The following LRRK1 variants were observed in gnomAD, a reference collection of about 807,000 sequenced individuals.
The protein encoded by LRRK1 is leucine-rich repeat serine/threonine-protein kinase 1.
LRRK1 carries 113 observed loss-of-function variants against 209.1 expected under a neutral mutation model. That is an observed-to-expected ratio of 0.54 (90% confidence interval 0.46 to 0.63). The LOEUF is 0.63. LRRK1 is among the 30% of genes least tolerant of loss of function. LRRK1 has a pLI of 0.00. For synonymous variants in LRRK1, 1,144 were observed against 1,099.7 expected, an observed-to-expected ratio of 1.04 and a Z score of -0.80; for missense variants, 2,284 against 2,632.2, an observed-to-expected ratio of 0.87 and a Z score of 2.89.
At chr15:101,046,653 T>C (rs10902594) in intron 21 of LRRK1, among the ~76,000 whole-genome samples, 149,222 of 152,328 alleles carry the variant, frequency 0.98, 73,158 homozygotes, top group East Asian at 1. Flanking sequence ...CCAGACCGAT[T>C]GAATCAGGGT....
At position 101,065,519 on chromosome 15, in the gene LRRK1, G is replaced by A; in HGVS notation, c.5082G>A (p.Lys1694=). 3 of 1,614,218 alleles carry A rather than the reference G, an allele frequency of 1.9e-6. No individual in the cohort carries two copies. The highest frequency in any genetic ancestry group is 2.5e-6 in the Non-Finnish European group (3 of 1,180,034). Residue 1694 remains lysine, a synonymous_variant, in exon 32 of 34, where the codon AAG becomes AAA. Transcript: ENST00000388948. The stretch of plus-strand genomic sequence containing the variant: ...CACGGCAGAACCCCTACCCAGTGAA[G>A]GCCATGGAGGTGGTCAACAGCGGCT... ...EDARQNPYPV[K]AMEVVNSGSE...
chr15:100,978,397 G>A (rs913584769), intron 3 of LRRK1, among the ~76,000 whole-genome samples: 3 of 152,166 alleles, frequency 2.0e-5, no homozygotes, highest in African/African-American at 7.2e-5. Context: ...TCAAGAAGTT[G>A]AAAACAAACA....
intron 6 of LRRK1, among the ~76,000 whole-genome samples, chr15:100,998,505 T>G (rs1022579214): frequency 2.6e-5 from 4 of 152,186 alleles, no homozygotes; most frequent in African/African-American, 9.7e-5. Flanking sequence ...TCTTCTTTAA[T>G]CAATTTCTCC....
At chr15:101,023,564 C>T (rs2033891460) in intron 15 of LRRK1, among the ~76,000 whole-genome samples, 1 of 152,138 alleles carries the variant, frequency 6.6e-6, no homozygotes, top group South Asian at 2.1e-4. Flanking sequence ...TTTCTGCCAC[C>T]CTGTGATTCC....
intron 6 of LRRK1, among the ~76,000 whole-genome samples, chr15:101,008,550 G>A (rs897713171): frequency 6.6e-6 from 1 of 152,074 alleles, no homozygotes; most frequent in African/African-American, 2.4e-5. Context: ...CTTGAGGGGC[G>A]GCACTGAGCC....
chr15:101,051,937 G>A lies in LRRK1; in HGVS notation c.3666G>A (p.Leu1222=), dbSNP rs762500130. Residue 1222 remains leucine, a synonymous_variant, in exon 24 of 34, where the codon CTG becomes CTA. Coordinates refer to ENST00000388948, the MANE Select transcript of LRRK1 (RefSeq NM_024652.6). The stretch of plus-strand genomic sequence containing the variant: ...CGCTGCAGGAGCTGGTCCCTGAACT[G>A]TTCATGACCGACTTCCCGGCCAGGT... ...PVPLQELVPE[L]FMTDFPARLF... The A allele has an allele frequency of 2.5e-6, 4 of 1,613,618 alleles. No individual in the cohort carries two copies. Among genetic ancestry groups the A allele is most frequent in the East Asian group, 2.2e-5 (1 of 44,866 alleles).
At position 101,008,887 on chromosome 15, in the gene LRRK1, C is replaced by G; in HGVS notation, c.813C>G (p.Asp271Glu). 6.2e-7 allele frequency: 1 copy of G among 1,614,264 alleles called. No individual in the cohort carries two copies. The highest frequency in any genetic ancestry group is 8.5e-7 in the Non-Finnish European group (1 of 1,180,048). ...SHLRLPWVDL[D>E]WLIDISCQIT... The stretch of plus-strand genomic sequence containing the variant: ...TCAGACTGCCCTGGGTAGACCTAGA[C>G]TGGCTCATAGACATCTCCTGCCAGA... The change falls in exon 7 of 34, where the codon GAC becomes GAG. Residue 271 changes from aspartate (D) to glutamate (E), a missense_variant. Around this residue, in one of 6 missense-constraint regions of LRRK1, gnomAD observed 494 missense variants for 522.1 expected, o/e 0.95. Transcript: ENST00000388948.
In LRRK1 at chr15:101,077,437, A is replaced by G. The variant is rs943806911; in HGVS notation, c.*8589A>G. 3.9e-5 allele frequency: 6 copies of G among 152,154 alleles called. No individual in the cohort carries two copies. Among genetic ancestry groups the G allele is most frequent in the African/African-American group, 1.4e-4 (6 of 41,432 alleles). 9.4% of individuals were successfully genotyped at this position (152,154 alleles called of 1,614,324 possible). A position where few individuals can be genotyped will look rare whatever the true frequency, so the allele number is the denominator to read the frequency against. On this transcript the variant is annotated 3_prime_UTR_variant, in exon 34 of 34. Coordinates refer to ENST00000388948, the MANE Select transcript of LRRK1 (RefSeq NM_024652.6). ...AAACCGCCACTCTGAACTCTTAAAT[A>G]CATAATCTTTGCTGGCAGGACTATG...
In LRRK1 at chr15:101,053,362, C is replaced by T. The variant is rs779381562; in HGVS notation, c.3996C>T (p.Phe1332=). The T allele has an allele frequency of 1.3e-5, 21 of 1,601,970 alleles. No individual in the cohort carries two copies. In the East Asian group the frequency reaches 1.3e-4, roughly 10 times the overall value. ...LIGISIHPLC[F]ALELAPLSSL... Reference sequence around the variant, plus strand: ...GCATCAGCATCCACCCGCTCTGCTTCGCCCTGGAGCTCGCGCCGCTCAGCA... The same window carrying T: ...GCATCAGCATCCACCCGCTCTGCTTTGCCCTGGAGCTCGCGCCGCTCAGCA... Residue 1332 remains phenylalanine (F), a synonymous_variant, in exon 26 of 34, where the codon TTC becomes TTT. Coordinates refer to ENST00000388948, the MANE Select transcript of LRRK1 (RefSeq NM_024652.6).
intron 20 of LRRK1, among the ~76,000 whole-genome samples, chr15:101,039,062 A>G (rs1045532306): frequency 6.6e-6 from 1 of 152,098 alleles, no homozygotes; most frequent in Non-Finnish European, 1.5e-5. Context: ...ACACCCTCCA[A>G]TTTTGTTCTT....
chr15:101,055,518 G>C (rs1388799883), intron 27 of LRRK1, among the ~76,000 whole-genome samples: 1 of 152,118 alleles, frequency 6.6e-6, no homozygotes, highest in East Asian at 1.9e-4. Flanking sequence ...GAGAGAAACA[G>C]GTCTGGATTT....
rs974829464 is a variant in LRRK1, at chr15:101,076,707, C to A, written c.*7859C>A. 7 of 152,242 alleles carry A rather than the reference C, an allele frequency of 4.6e-5. No homozygotes were observed. Among genetic ancestry groups the A allele is most frequent in the East Asian group, 1.9e-4 (1 of 5,210 alleles). The allele number at this position is 152,242 out of a possible 1,614,324, so 9.4% of individuals were successfully genotyped here. On this transcript the variant is annotated 3_prime_UTR_variant, in exon 34 of 34. Coordinates refer to ENST00000388948, the MANE Select transcript of LRRK1 (RefSeq NM_024652.6). Reference sequence around the variant, plus strand: ...TACTGCTCCTCAGGGATTATTCAGGCCCCCTCCCTTCCCTACACATCAAGC... The same window carrying A: ...TACTGCTCCTCAGGGATTATTCAGGACCCCTCCCTTCCCTACACATCAAGC...
intron 15 of LRRK1, among the ~76,000 whole-genome samples, chr15:101,023,605 C>G (rs1296867675): frequency 6.6e-6 from 1 of 152,238 alleles, no homozygotes; most frequent in East Asian, 1.9e-4. Flanking sequence ...GGCTGCTTCA[C>G]TGTGGAAAAC....
intron 20 of LRRK1, among the ~76,000 whole-genome samples, chr15:101,040,444 A>G (rs1303538139): frequency 6.6e-6 from 1 of 151,944 alleles, no homozygotes; most frequent in Non-Finnish European, 1.5e-5. Flanking sequence ...GTGTTTATCA[A>G]ATTTTTGGAA....
intron 2 of LRRK1, among the ~76,000 whole-genome samples, chr15:100,943,897 C>T (rs751685677): frequency 7.0e-4 from 106 of 152,078 alleles, no homozygotes; most frequent in Non-Finnish European, 9.0e-4. Context: ...AGGCTGGTCT[C>T]GAACTCCTGA....
chr15:100,939,803 C>T lies in LRRK1; in HGVS notation c.97+15074C>T, dbSNP rs574407680. The stretch of plus-strand genomic sequence containing the variant: ...TCGGGGTAAATAGTTGGGTTTTTTT[C>T]TCTTAGTTTTCTTATTCATTCTACT... On this transcript the variant is annotated intron_variant, in intron 2 of 33. Coordinates refer to ENST00000388948, the MANE Select transcript of LRRK1 (RefSeq NM_024652.6). Among the ~76,000 whole-genome samples the T allele has an allele frequency of 2.6e-5, 4 of 152,236 alleles. No homozygotes were observed. In the South Asian group the frequency reaches 8.3e-4, roughly 32 times the overall value.
rs376652152 is a variant in LRRK1, at chr15:101,006,174, C to T, written c.763-2663C>T. Among the ~76,000 whole-genome samples, 58 of 152,242 alleles carry T rather than the reference C, an allele frequency of 3.8e-4. 1 individual carries two copies. In the South Asian group the frequency reaches 0.011, roughly 28 times the overall value. The stretch of plus-strand genomic sequence containing the variant: ...CAGGAACACCTAATATCAGGTGCCC[C>T]GGGTGGGGTTTAGTGGGAACCACTC... On this transcript the variant is annotated intron_variant, in intron 6 of 33. Coordinates refer to ENST00000388948, the MANE Select transcript of LRRK1 (RefSeq NM_024652.6).
At chr15:100,968,861 G>C (rs1330312722) in intron 2 of LRRK1, among the ~76,000 whole-genome samples, 1 of 148,296 alleles carries the variant, frequency 6.7e-6, no homozygotes, top group Admixed American at 6.8e-5. Flanking sequence ...TTTGAGACAG[G>C]GTCTTGTTCT....
Position 101,013,102 on chromosome 15 carries a change from C to T in LRRK1, c.1419+957C>T, listed in dbSNP as rs1596273067. Among the ~76,000 whole-genome samples, 3 of 152,252 alleles carry T rather than the reference C, an allele frequency of 2.0e-5. No individual in the cohort carries two copies. The South Asian group carries it at 6.2e-4, about 32-fold the overall frequency. ...GCCTTGTCCAGAGCTTCACTGTGGGCCTGCAGGGAATGTGTCTGCTCGAGG... is the reference window on the plus strand; with the variant it reads ...GCCTTGTCCAGAGCTTCACTGTGGGTCTGCAGGGAATGTGTCTGCTCGAGG... On this transcript the variant is annotated intron_variant, in intron 10 of 33. Coordinates refer to ENST00000388948, the MANE Select transcript of LRRK1 (RefSeq NM_024652.6).
Sources: gnomAD v4.1 joint callset for allele counts (sites outside exome capture counted in the v4.1 genomes callset) on GRCh38, gnomAD v4.1.1 for gene constraint, gnomAD v4.1.1 regional missense constraint, MANE v1.5 for transcripts, NCBI Gene and HGNC (gene_info 2026-07-23, HGNC 2026-07-21) for gene names.